TMEM120B: variants seen among roughly 807,000 people sequenced by gnomAD.
TMEM120B encodes the protein transmembrane protein 120B.
TMEM120B carries 31 observed loss-of-function variants against 55.5 expected under a neutral mutation model. The ratio of observed to expected loss-of-function variants is 0.56; its 90% CI spans 0.42 to 0.75. The LOEUF (loss-of-function observed/expected upper bound fraction) is 0.75, where lower values mean the gene tolerates loss of function less well. TMEM120B is among the 30% of genes least tolerant of loss of function. The pLI is 0.00. For missense variants in TMEM120B, 399 were observed against 425.5 expected (o/e 0.94, Z 0.55); for synonymous variants, 203 against 176.3 (o/e 1.15, Z -1.20).
chr12:121,736,359 G>A (rs556721689), intron 1 of TMEM120B, among the ~76,000 whole-genome samples: 7 of 148,864 alleles, frequency 4.7e-5, no homozygotes, highest in African/African-American at 1.5e-4. Context: ...TAGTAGAGAC[G>A]GGGTTTTACC....
At chr12:121,762,130 A>G (rs1227777595) in intron 6 of TMEM120B, among the ~76,000 whole-genome samples, 1 of 152,072 alleles carries the variant, frequency 6.6e-6, no homozygotes, top group African/African-American at 2.4e-5. Flanking sequence ...GTCTCTACTA[A>G]AAATACAAAA....
chr12:121,714,548 C>G (rs1003812053), intron 1 of TMEM120B, among the ~76,000 whole-genome samples: 1 of 149,272 alleles, frequency 6.7e-6, no homozygotes, highest in Non-Finnish European at 1.5e-5. Context: ...GCCTGGCCCT[C>G]AGCCACTTCT....
intron 1 of TMEM120B, among the ~76,000 whole-genome samples, chr12:121,714,699 T>C (rs1362706237): frequency 6.6e-6 from 1 of 151,396 alleles, no homozygotes; most frequent in Non-Finnish European, 1.5e-5. Context: ...GTAGCAGAGA[T>C]TATAGGTGCG....
chr12:121,736,372 GTTA>G (rs1304552899), intron 1 of TMEM120B, among the ~76,000 whole-genome samples: 8 of 146,900 alleles, frequency 5.4e-5, no homozygotes, highest in African/African-American at 2.0e-4. Flanking sequence ...GTTTTACCAT[GTTA>G]GCCAGGATTG....
chr12:121,732,667 G>A (rs1895025409), intron 1 of TMEM120B, among the ~76,000 whole-genome samples: 1 of 152,160 alleles, frequency 6.6e-6, no homozygotes, highest in Non-Finnish European at 1.5e-5. Context: ...CTGAAGGGCA[G>A]TTTGCCAAAA....
intron 1 of TMEM120B, among the ~76,000 whole-genome samples, chr12:121,726,477 G>C (rs1894894022): frequency 6.6e-6 from 1 of 151,496 alleles, no homozygotes; most frequent in Non-Finnish European, 1.5e-5. Context: ...TACTCGGGAG[G>C]CTGATGCAGG....
intron 1 of TMEM120B, among the ~76,000 whole-genome samples, chr12:121,739,684 C>T (rs890204582): frequency 6.6e-6 from 1 of 151,658 alleles, no homozygotes; most frequent in Non-Finnish European, 1.5e-5. Flanking sequence ...GTTGACCAGG[C>T]TGGTCTTGAA....
intron 6 of TMEM120B, among the ~76,000 whole-genome samples, chr12:121,763,496 T>C (rs1177604095): frequency 6.6e-6 from 1 of 151,464 alleles, no homozygotes; most frequent in African/African-American, 2.4e-5. Context: ...TAGACTGGAG[T>C]GCAGTGGCAC....
Position 121,775,780 on chromosome 12 carries a change from C to T in TMEM120B, c.*58C>T, listed in dbSNP as rs1874223152. The T allele has an allele frequency of 6.3e-7, 1 of 1,582,600 alleles. No homozygotes were observed. Among genetic ancestry groups the T allele is most frequent in the Non-Finnish European group, 8.6e-7 (1 of 1,157,656 alleles). On this transcript the variant is annotated 3_prime_UTR_variant, in exon 12 of 12. Transcript: ENST00000449592. This position sits in a 1 kb window ranked among gnomAD's most constrained non-coding sequence, Gnocchi z 4.3. ...CAGACTGCAGGGGGCTCCCGGGCTC[C>T]TTCCCAGCAGCCCTCTCAGGCCCGT... is the stretch of plus-strand genomic sequence containing the variant.
At chr12:121,725,898 G>T (rs576188789) in intron 1 of TMEM120B, among the ~76,000 whole-genome samples, 1 of 152,096 alleles carries the variant, frequency 6.6e-6, no homozygotes, top group Admixed American at 6.6e-5. Flanking sequence ...TTAGCCGGGT[G>T]TGGTGATGCG....
chr12:121,718,603 C>G (rs1042159803), intron 1 of TMEM120B, among the ~76,000 whole-genome samples: 2 of 152,074 alleles, frequency 1.3e-5, no homozygotes, highest in Admixed American at 1.3e-4. Flanking sequence ...AGTCATGGAG[C>G]CAGAATTCGA....
At chr12:121,728,151 GT>G (rs1894931855) in intron 1 of TMEM120B, among the ~76,000 whole-genome samples, 1 of 151,654 alleles carries the variant, frequency 6.6e-6, no homozygotes, top group African/African-American at 2.4e-5. Context: ...GGGATTACAG[GT>G]GCCTGCCAGG....
intron 6 of TMEM120B, among the ~76,000 whole-genome samples, chr12:121,765,226 T>C (rs575538166): frequency 6.7e-6 from 1 of 148,806 alleles, no homozygotes; most frequent in East Asian, 2.0e-4. Context: ...GCCTCCTGGG[T>C]TCAAGCAATT....
Position 121,779,255 on chromosome 12 carries a change from T to G in TMEM120B, c.*3533T>G. 2 of 549,928 alleles carry G rather than the reference T, an allele frequency of 3.6e-6. No individual in the cohort carries two copies. Among genetic ancestry groups the G allele is most frequent in the South Asian group, 2.3e-5 (1 of 44,166 alleles). The allele number at this position is 549,928 out of a possible 1,614,324, so 34.1% of individuals were successfully genotyped here. Reference sequence around the variant, plus strand: ...TGGCTGTGATGAGGGCACTTGCGAGTCCCGACAACAGACACTGGCTCCTGC... The same window carrying G: ...TGGCTGTGATGAGGGCACTTGCGAGGCCCGACAACAGACACTGGCTCCTGC... On this transcript the variant is annotated 3_prime_UTR_variant, in exon 12 of 12. Coordinates refer to ENST00000449592, the MANE Select transcript of TMEM120B (RefSeq NM_001080825.2).
intron 1 of TMEM120B, among the ~76,000 whole-genome samples, chr12:121,736,463 CGGCCGGTCTCG>C (rs1566511278): frequency 1.3e-4 from 20 of 151,090 alleles, no homozygotes; most frequent in Admixed American, 2.0e-4. Flanking sequence ...CCACCGTGCC[CGGCCGGTCTCG>C]AACTCTTGAC....
At chr12:121,741,162 G>A (rs1358206686) in intron 1 of TMEM120B, among the ~76,000 whole-genome samples, 4 of 151,986 alleles carry the variant, frequency 2.6e-5, no homozygotes, top group Non-Finnish European at 4.4e-5. Context: ...CTGCGGCGGT[G>A]GTTTACGAAT....
intron 9 of TMEM120B, among the ~76,000 whole-genome samples, chr12:121,774,083 G>A (rs1015184578): frequency 1.3e-5 from 2 of 151,634 alleles, no homozygotes; most frequent in Admixed American, 6.6e-5. Flanking sequence ...AGCCTCCTGA[G>A]TAGCTGGGAT....
intron 1 of TMEM120B, among the ~76,000 whole-genome samples, chr12:121,723,489 C>T (rs992792985): frequency 6.6e-5 from 10 of 152,052 alleles, no homozygotes; most frequent in African/African-American, 1.7e-4. Flanking sequence ...CTTGTGCTGG[C>T]GGGGCAGGAG....
At chr12:121,726,060 C>A (rs1279906248) in intron 1 of TMEM120B, among the ~76,000 whole-genome samples, 31 of 137,586 alleles carry the variant, frequency 2.3e-4, no homozygotes, top group Non-Finnish European at 2.4e-4. Flanking sequence ...AAAAAAAAAA[C>A]CACCTCTGGA....
Sources: gnomAD v4.1 joint callset for allele counts (sites outside exome capture counted in the v4.1 genomes callset) on GRCh38, gnomAD v4.1.1 for gene constraint, Gnocchi (gnomAD v3.1) non-coding constraint, MANE v1.5 for transcripts, NCBI Gene and HGNC (gene_info 2026-07-23, HGNC 2026-07-21) for gene names.